Variants in ADGRL3 observed in about 807,000 individuals in gnomAD.
ADGRL3 encodes adhesion G protein-coupled receptor L3.
A neutral mutation model predicts 153.5 loss-of-function variants in ADGRL3; 62 were observed. The observed-to-expected ratio is 0.40, with a 90% CI of 0.33 to 0.50. The LOEUF is 0.50. Among genes scored for constraint, ADGRL3 ranks in the 20% least tolerant of loss-of-function variants. The probability of loss-of-function intolerance (pLI) is 0.47; values close to 1 mark genes in which losing one functional copy is unlikely to be tolerated. For synonymous variants in ADGRL3, 710 were observed against 672.5 expected, an observed-to-expected ratio of 1.06 and a Z score of -0.86; for missense variants, 1,641 against 1,859.4, an observed-to-expected ratio of 0.88 and a Z score of 2.16.
intron 5 of ADGRL3, among the ~76,000 whole-genome samples, chr4:61,668,916 G>C (rs1035400360): frequency 3.9e-5 from 6 of 152,086 alleles, no homozygotes; most frequent in African/African-American, 1.4e-4. Context: ...TTATTCGGGA[G>C]GCTGAAGTAA....
chr4:61,571,184 G>A (rs1302410555), intron 4 of ADGRL3, among the ~76,000 whole-genome samples: 1 of 151,788 alleles, frequency 6.6e-6, no homozygotes, highest in African/African-American at 2.4e-5. Flanking sequence ...GTCTACTAAG[G>A]GGCTCAAAGG....
chr4:61,291,732 A>C (rs1190424363), intron 1 of ADGRL3, among the ~76,000 whole-genome samples: 4 of 150,552 alleles, frequency 2.7e-5, no homozygotes, highest in African/African-American at 9.8e-5. Context: ...GAAAAGTATT[A>C]AATTATCCTT....
intron 5 of ADGRL3, among the ~76,000 whole-genome samples, chr4:61,613,603 G>A (rs987651567): frequency 2.0e-5 from 3 of 152,106 alleles, no homozygotes; most frequent in African/African-American, 7.2e-5. Context: ...ATTTAGCTGG[G>A]TGTGGTGGTG....
At chr4:61,574,967 C>T (rs2098862825) in intron 4 of ADGRL3, among the ~76,000 whole-genome samples, 1 of 151,446 alleles carries the variant, frequency 6.6e-6, no homozygotes. Flanking sequence ...CAGCTGCTTT[C>T]TCGGGAATAT....
At chr4:61,577,001 C>G (rs544329589) in intron 4 of ADGRL3, among the ~76,000 whole-genome samples, 1 of 151,782 alleles carries the variant, frequency 6.6e-6, no homozygotes, top group Non-Finnish European at 1.5e-5. Flanking sequence ...GAAGGTATTA[C>G]CAAAGAAGTT....
intron 21 of ADGRL3, among the ~76,000 whole-genome samples, chr4:62,000,574 G>A (rs1173184463): frequency 2.6e-5 from 4 of 151,968 alleles, no homozygotes; most frequent in Non-Finnish European, 5.9e-5. Context: ...CTGTTTTCTA[G>A]GTTATATTCT....
intron 4 of ADGRL3, among the ~76,000 whole-genome samples, chr4:61,561,980 T>C (rs1267420348): frequency 6.6e-6 from 1 of 151,902 alleles, no homozygotes; most frequent in Non-Finnish European, 1.5e-5. Flanking sequence ...GGAATTCACA[T>C]ATCTATATCT....
chr4:61,617,558 C>T (rs959516826), intron 5 of ADGRL3, among the ~76,000 whole-genome samples: 5 of 152,088 alleles, frequency 3.3e-5, no homozygotes, highest in African/African-American at 1.2e-4. Flanking sequence ...TGCAAAGTTT[C>T]CTGTAAGAAA....
At chr4:61,939,555 C>A (rs956825719) in intron 15 of ADGRL3, among the ~76,000 whole-genome samples, 1 of 151,882 alleles carries the variant, frequency 6.6e-6, no homozygotes, top group African/African-American at 2.4e-5. Flanking sequence ...CTGCAACCTC[C>A]ACCTCCCGGA....
intron 8 of ADGRL3, among the ~76,000 whole-genome samples, chr4:61,794,937 A>G (rs899146963): frequency 6.6e-6 from 1 of 152,252 alleles, no homozygotes; most frequent in South Asian, 2.1e-4. Flanking sequence ...TTCTACATGA[A>G]TAACTTCTTA....
intron 9 of ADGRL3, among the ~76,000 whole-genome samples, chr4:61,833,375 T>G (rs2097895947): frequency 6.6e-6 from 1 of 152,196 alleles, no homozygotes; most frequent in Non-Finnish European, 1.5e-5. Context: ...AGTAATTCGC[T>G]GAGAGCCAGC....
intron 9 of ADGRL3, among the ~76,000 whole-genome samples, chr4:61,836,890 G>T (rs750147743): frequency 6.6e-6 from 1 of 151,928 alleles, no homozygotes; most frequent in African/African-American, 2.4e-5. Context: ...AAGAAAAATC[G>T]AAATCGAAGA....
At chr4:61,603,430 T>G (rs184055275) in intron 5 of ADGRL3, among the ~76,000 whole-genome samples, 1 of 152,168 alleles carries the variant, frequency 6.6e-6, no homozygotes. Flanking sequence ...TTTAGAAAAC[T>G]TCAGAGCTCT....
At chr4:61,556,786 G>A (rs1455658124) in intron 4 of ADGRL3, among the ~76,000 whole-genome samples, 1 of 152,168 alleles carries the variant, frequency 6.6e-6, no homozygotes, top group Non-Finnish European at 1.5e-5. Context: ...GAGTTATTGA[G>A]GTTGTGTCAA....
chr4:61,996,185 A>G, intron 19 of ADGRL3, 106 bp from the exon 20 acceptor site: 1 of 699,352 alleles, frequency 1.4e-6, no homozygotes, highest in Non-Finnish European at 2.6e-6. Flanking sequence ...CCTGTCTCCC[A>G]GTGGAATGCT....
At chr4:61,642,578 G>A (rs1268759896) in intron 5 of ADGRL3, among the ~76,000 whole-genome samples, 6 of 152,180 alleles carry the variant, frequency 3.9e-5, no homozygotes, top group East Asian at 1.9e-4. Flanking sequence ...TGTCAGGTTC[G>A]TCAAATATCA....
At chr4:61,379,712 AT>A (rs2096645434) in intron 1 of ADGRL3, among the ~76,000 whole-genome samples, 2 of 151,996 alleles carry the variant, frequency 1.3e-5, no homozygotes, top group Non-Finnish European at 2.9e-5. Context: ...AAAATAACAT[AT>A]TTTCCATCTT....
chr4:61,918,057 C>T (rs189970359), intron 13 of ADGRL3, among the ~76,000 whole-genome samples: 6 of 152,106 alleles, frequency 3.9e-5, no homozygotes, highest in African/African-American at 1.2e-4. Flanking sequence ...AAGTAAGGGC[C>T]GAAGCTGGGT....
intron 2 of ADGRL3, among the ~76,000 whole-genome samples, chr4:61,462,650 C>A (rs1409282078): frequency 6.6e-6 from 1 of 152,084 alleles, no homozygotes; most frequent in Non-Finnish European, 1.5e-5. Flanking sequence ...CGTAATAGAG[C>A]TGAGTATTTT....
Sources: allele counts gnomAD v4.1 joint callset (sites outside exome capture counted in the v4.1 genomes callset), GRCh38; gene constraint gnomAD v4.1.1; transcripts MANE v1.5; gene names NCBI Gene and HGNC (gene_info 2026-07-23, HGNC 2026-07-21).